Variants in INPP4B observed in about 807,000 individuals in gnomAD.
INPP4B encodes inositol polyphosphate 4-phosphatase type II.
Under a neutral mutation model 122.5 loss-of-function variants are expected in INPP4B, and 55 were observed. That is an observed-to-expected ratio of 0.45 (90% CI 0.36 to 0.56). INPP4B has a LOEUF of 0.56. INPP4B is among the 20% of genes least tolerant of loss of function. The pLI, the probability that INPP4B is intolerant of heterozygous loss-of-function variation, is 0.00. For missense variants in INPP4B, 1,000 were observed against 1,097.7 expected (o/e 0.91, Z 1.26); for synonymous variants, 403 against 388.7 (o/e 1.04, Z -0.43).
intron 11 of INPP4B, among the ~76,000 whole-genome samples, chr4:142,241,324 C>A (rs1859312260): frequency 6.6e-6 from 1 of 152,048 alleles, no homozygotes; most frequent in African/African-American, 2.4e-5. Flanking sequence ...TGGACCATAT[C>A]ATTGTATTGT....
chr4:142,773,395 A>G (rs886890178), intron 1 of INPP4B, among the ~76,000 whole-genome samples: 2 of 152,162 alleles, frequency 1.3e-5, no homozygotes, highest in African/African-American at 4.8e-5. Context: ...CCATGTACTC[A>G]TATTTTAAAG....
intron 3 of INPP4B, among the ~76,000 whole-genome samples, chr4:142,438,001 G>C (rs1266112769): frequency 6.6e-6 from 1 of 152,072 alleles, no homozygotes; most frequent in Non-Finnish European, 1.5e-5. Context: ...ATTGAAAAAA[G>C]AAGGATCTCT....
chr4:142,475,399 A>AG (rs1819639394), intron 2 of INPP4B, among the ~76,000 whole-genome samples: 3 of 152,124 alleles, frequency 2.0e-5, no homozygotes, highest in Non-Finnish European at 2.9e-5. Flanking sequence ...GAAAAAAAAA[A>AG]CAGTGCAAAA....
intron 23 of INPP4B, among the ~76,000 whole-genome samples, chr4:142,104,171 C>A (rs1229383977): frequency 6.6e-6 from 1 of 152,044 alleles, no homozygotes; most frequent in Non-Finnish European, 1.5e-5. Context: ...AGCTGTAATA[C>A]TTTGACAGTT....
At chr4:142,269,908 A>T (rs1317383402) in intron 10 of INPP4B, among the ~76,000 whole-genome samples, 1 of 152,202 alleles carries the variant, frequency 6.6e-6, no homozygotes, top group Non-Finnish European at 1.5e-5. Flanking sequence ...TATAAAATTC[A>T]TTTTCCTAAA....
At chr4:142,587,320 T>G (rs2150229898) in intron 2 of INPP4B, among the ~76,000 whole-genome samples, 1 of 152,236 alleles carries the variant, frequency 6.6e-6, no homozygotes, top group East Asian at 1.9e-4. Context: ...ATTAGGTATA[T>G]ATTTATGATG....
At chr4:142,082,862 C>T (rs72718408) in intron 24 of INPP4B, among the ~76,000 whole-genome samples, 14,222 of 152,208 alleles carry the variant, frequency 0.093, 802 homozygotes, top group East Asian at 0.23. Flanking sequence ...CACAGCGGCT[C>T]ATGCCTGTAA....
intron 1 of INPP4B, among the ~76,000 whole-genome samples, chr4:142,798,917 C>A (rs1214240814): frequency 2.7e-5 from 4 of 150,404 alleles, no homozygotes; most frequent in Non-Finnish European, 5.9e-5. Flanking sequence ...GAACAAAAAC[C>A]GGAAATGGTG....
chr4:142,542,112 A>C (rs1829009234), intron 2 of INPP4B, among the ~76,000 whole-genome samples: 2 of 152,218 alleles, frequency 1.3e-5, no homozygotes, highest in South Asian at 2.1e-4. Flanking sequence ...TCATCCCATG[A>C]CCATGGCTGT....
At chr4:142,534,248 G>A (rs1827935862) in intron 2 of INPP4B, among the ~76,000 whole-genome samples, 1 of 152,060 alleles carries the variant, frequency 6.6e-6, no homozygotes, top group Admixed American at 6.6e-5. Context: ...TTCAATTGCT[G>A]TGCTATGGTG....
chr4:142,571,254 A>C (rs1405548389), intron 2 of INPP4B, among the ~76,000 whole-genome samples: 1 of 151,976 alleles, frequency 6.6e-6, no homozygotes, highest in Non-Finnish European at 1.5e-5. Flanking sequence ...CCACACCTTG[A>C]CTTACAACCC....
chr4:142,838,435 C>T (rs1783089082), intron 1 of INPP4B, among the ~76,000 whole-genome samples: 1 of 151,822 alleles, frequency 6.6e-6, no homozygotes, highest in Non-Finnish European at 1.5e-5. Context: ...TTACACTAAT[C>T]TGAGTGTATA....
intron 2 of INPP4B, among the ~76,000 whole-genome samples, chr4:142,504,264 A>C (rs1182525913): frequency 6.6e-6 from 1 of 152,090 alleles, no homozygotes; most frequent in Non-Finnish European, 1.5e-5. Flanking sequence ...AAGATGCTTA[A>C]ATTTACCAAG....
chr4:142,245,911 CATATATATGTGTATGTAT>C (rs1728091764), intron 11 of INPP4B, among the ~76,000 whole-genome samples: 1 of 18,506 alleles, frequency 5.4e-5, no homozygotes, highest in Non-Finnish European at 1.3e-4. Flanking sequence ...TGTATGTATA[CATATATATGTGTATGTAT>C]ACATATATGT....
intron 1 of INPP4B, among the ~76,000 whole-genome samples, chr4:142,774,761 G>T (rs1773593078): frequency 6.6e-6 from 1 of 151,930 alleles, no homozygotes; most frequent in Non-Finnish European, 1.5e-5. Context: ...CAGAAAAATT[G>T]CAAAAATAGG....
chr4:142,253,018 C>T (rs532106974), intron 11 of INPP4B, among the ~76,000 whole-genome samples: 1 of 152,178 alleles, frequency 6.6e-6, no homozygotes, highest in Admixed American at 6.5e-5. Flanking sequence ...TCCTAGGCTA[C>T]AATCTGTATA....
intron 25 of INPP4B, among the ~76,000 whole-genome samples, chr4:142,052,796 G>T (rs1266589866): frequency 6.6e-6 from 1 of 151,968 alleles, no homozygotes; most frequent in Non-Finnish European, 1.5e-5. Flanking sequence ...TGGTATTTGG[G>T]ACAATTGGCC....
chr4:142,658,583 G>C (rs1754586052), intron 2 of INPP4B, among the ~76,000 whole-genome samples: 1 of 152,216 alleles, frequency 6.6e-6, no homozygotes, highest in Admixed American at 6.5e-5. Flanking sequence ...AACTATCTGT[G>C]AGCATTCTTA....
At chr4:142,181,383 TA>T (rs535138222) in intron 15 of INPP4B, among the ~76,000 whole-genome samples, 34 of 150,514 alleles carry the variant, frequency 2.3e-4, no homozygotes, top group South Asian at 1.9e-3. Context: ...ATTTTACAAC[TA>T]AAAAAAAAGG....
Sources: gnomAD v4.1 joint callset for allele counts (sites outside exome capture counted in the v4.1 genomes callset) on GRCh38, gnomAD v4.1.1 for gene constraint, MANE v1.5 for transcripts, NCBI Gene and HGNC (gene_info 2026-07-23, HGNC 2026-07-21) for gene names.